ANK3: variants seen among roughly 807,000 people sequenced by gnomAD.
The protein encoded by ANK3 is ankyrin-3.
ANK3 carries 57 observed loss-of-function variants against 370.9 expected under a neutral mutation model. The observed-to-expected ratio is 0.15, with a 90% CI of 0.12 to 0.19. The LOEUF is 0.19. Among genes scored for constraint, ANK3 ranks in the 10% least tolerant of loss-of-function variants. The probability of loss-of-function intolerance (pLI) is 1.00; values close to 1 mark genes in which losing one functional copy is unlikely to be tolerated. For synonymous variants in ANK3, 1,929 were observed against 1,946.3 expected (o/e 0.99, Z 0.23); for missense variants, 4,439 against 5,302.1 (o/e 0.84, Z 5.06).
chr10:60,088,076 T>C, intron 29 of ANK3, 71 bp downstream of exon 29: 1 of 1,270,758 alleles, frequency 7.9e-7, no homozygotes, highest in South Asian at 1.3e-5. Flanking sequence ...AGAATAACTC[T>C]TTCCAGAGCA....
intron 43 of ANK3, among the ~76,000 whole-genome samples, chr10:60,036,873 C>T (rs1030766413): frequency 6.6e-6 from 1 of 152,092 alleles, no homozygotes; most frequent in African/African-American, 2.4e-5. Flanking sequence ...TGTGATGATT[C>T]CCACATTTTT....
intron 13 of ANK3, 131 bp from the exon 14 acceptor site, chr10:60,198,668 T>G (rs1214597402): frequency 1.7e-5 from 13 of 752,874 alleles, no homozygotes; most frequent in Non-Finnish European, 2.9e-5. Flanking sequence ...CTAAAAAAAC[T>G]CATTTGTCTT....
At chr10:60,050,623 G>A (rs1277926876) in intron 42 of ANK3, 2 of 152,158 alleles carry the variant, frequency 1.3e-5, no homozygotes, top group African/African-American at 4.8e-5. Flanking sequence ...TGGCTTTCTA[G>A]TTCTCTGAAC....
At chr10:60,705,791 T>C (rs1162439057) in intron 1 of ANK3, among the ~76,000 whole-genome samples, 1 of 151,874 alleles carries the variant, frequency 6.6e-6, no homozygotes, top group African/African-American at 2.4e-5. Flanking sequence ...CATTCCCAGT[T>C]TTGTTTTCTA....
At chr10:60,040,216 A>G (rs1426941208) in intron 43 of ANK3, among the ~76,000 whole-genome samples, 1 of 152,220 alleles carries the variant, frequency 6.6e-6, no homozygotes, top group Non-Finnish European at 1.5e-5. Flanking sequence ...CTGCTTCTAA[A>G]ATGGGAAATA....
At chr10:60,583,578 G>T (rs565098439) in intron 2 of ANK3, among the ~76,000 whole-genome samples, 2 of 144,022 alleles carry the variant, frequency 1.4e-5, no homozygotes, top group Non-Finnish European at 3.1e-5. Flanking sequence ...GTGCAGTGGC[G>T]CTCCAGTTCT....
At chr10:60,502,882 AAGAAAG>A (rs1488987750) in intron 2 of ANK3, among the ~76,000 whole-genome samples, 7 of 124,238 alleles carry the variant, frequency 5.6e-5, no homozygotes, top group Non-Finnish European at 1.1e-4. Flanking sequence ...TAAAGAGGGA[AAGAAAG>A]AGAGAAAGAG....
chr10:60,701,197 AT>A (rs2079541221), intron 1 of ANK3, among the ~76,000 whole-genome samples: 1 of 152,106 alleles, frequency 6.6e-6, no homozygotes, highest in Admixed American at 6.5e-5. Flanking sequence ...CCAATATATG[AT>A]TATTTTACTC....
chr10:60,477,452 G>C (rs1595110497), intron 2 of ANK3, among the ~76,000 whole-genome samples: 1 of 151,318 alleles, frequency 6.6e-6, no homozygotes, highest in Non-Finnish European at 1.5e-5. Flanking sequence ...AAAGCAAAAT[G>C]AGTTGGGGCT....
chr10:60,063,080 TTAAA>T (rs1299167405), intron 40 of ANK3, 27 bp downstream of exon 40: 2 of 1,589,808 alleles, frequency 1.3e-6, no homozygotes, highest in Non-Finnish European at 1.7e-6. Flanking sequence ...TATCAAATGA[TTAAA>T]TAAATATGAA....
intron 1 of ANK3, among the ~76,000 whole-genome samples, chr10:60,315,076 A>G (rs1431851903): frequency 6.6e-6 from 1 of 152,146 alleles, no homozygotes; most frequent in Non-Finnish European, 1.5e-5. Context: ...TACGCAGCCC[A>G]TTATCCACCC....
At chr10:60,581,601 T>TC (rs2077754679) in intron 2 of ANK3, among the ~76,000 whole-genome samples, 1 of 151,742 alleles carries the variant, frequency 6.6e-6, no homozygotes, top group Non-Finnish European at 1.5e-5. Flanking sequence ...ATTATTATTT[T>TC]TTTTTTTTTG....
intron 1 of ANK3, among the ~76,000 whole-genome samples, chr10:60,385,309 G>A (rs563400972): frequency 6.6e-6 from 1 of 151,790 alleles, no homozygotes; most frequent in South Asian, 2.1e-4. Flanking sequence ...TGACTATCTT[G>A]CTGACTCCTC....
chr10:60,684,879 A>C, intron 1 of ANK3: 2 of 1,485,094 alleles, frequency 1.3e-6, no homozygotes. Context: ...CAGAAAATCA[A>C]GGAGTCCCTG....
chr10:60,398,967 C>A (rs1307880371), intron 2 of ANK3, among the ~76,000 whole-genome samples: 1 of 152,078 alleles, frequency 6.6e-6, no homozygotes, highest in Non-Finnish European at 1.5e-5. Context: ...CTATTATATA[C>A]GACACATATC....
chr10:60,393,897 G>A (rs2063162626), upstream of ANK3, among the ~76,000 whole-genome samples: 1 of 151,928 alleles, frequency 6.6e-6, no homozygotes, highest in Non-Finnish European at 1.5e-5. Context: ...AAGATGGGGA[G>A]TATATAGAAT....
At chr10:60,192,188 G>A (rs150395753) in intron 16 of ANK3, among the ~76,000 whole-genome samples, 5,264 of 152,000 alleles carry the variant, frequency 0.035, 258 homozygotes, top group African/African-American at 0.11. Flanking sequence ...CACCGCACCC[G>A]GCCTATTTTA....
intron 5 of ANK3, among the ~76,000 whole-genome samples, chr10:60,267,193 A>G (rs1432712415): frequency 6.6e-6 from 1 of 152,148 alleles, no homozygotes; most frequent in Non-Finnish European, 1.5e-5. Flanking sequence ...GGATCCTTTA[A>G]TTGCCCCCTA....
At chr10:60,056,855 C>G (rs1268380011) in intron 41 of ANK3, among the ~76,000 whole-genome samples, 1 of 152,134 alleles carries the variant, frequency 6.6e-6, no homozygotes, top group Non-Finnish European at 1.5e-5. Flanking sequence ...AAAACCATGT[C>G]TCTACCAAAA....
Sources: gnomAD v4.1 joint callset for allele counts (sites outside exome capture counted in the v4.1 genomes callset) on GRCh38, gnomAD v4.1.1 for gene constraint, MANE v1.5 for transcripts, NCBI Gene and HGNC (gene_info 2026-07-23, HGNC 2026-07-21) for gene names.